PDE11A: variants seen among roughly 807,000 people sequenced by gnomAD.
PDE11A encodes phosphodiesterase 11A.
A neutral mutation model predicts 100.5 loss-of-function variants in PDE11A; 100 were observed. That is an observed-to-expected ratio of 1.00 (90% CI 0.85 to 1.18). The LOEUF is 1.18. Ranked by LOEUF, PDE11A falls within the 50% of genes most tolerant of loss-of-function variation. PDE11A has a pLI of 0.00. For synonymous variants in PDE11A, 381 were observed against 420.8 expected (o/e 0.91, Z 1.16); for missense variants, 1,141 against 1,152.6 (o/e 0.99, Z 0.15).
At chr2:177,716,017 T>C (rs2081432120) in intron 12 of PDE11A, among the ~76,000 whole-genome samples, 1 of 152,240 alleles carries the variant, frequency 6.6e-6, no homozygotes, top group Admixed American at 6.5e-5. Context: ...TCTCTGGACT[T>C]TCCAATCTGT....
At chr2:178,046,006 G>T (rs2086745616) in intron 1 of PDE11A, among the ~76,000 whole-genome samples, 1 of 152,136 alleles carries the variant, frequency 6.6e-6, no homozygotes, top group Admixed American at 6.6e-5. Flanking sequence ...GTTTGCATCT[G>T]GTCTCTGCCT....
chr2:177,682,734 T>TG (rs57733755), intron 15 of PDE11A, among the ~76,000 whole-genome samples: 17,850 of 152,214 alleles, frequency 0.12, 1,292 homozygotes, highest in Middle Eastern at 0.2. Context: ...AAGATGTTCC[T>TG]GCCAAGTAGG....
At chr2:177,727,559 T>C (rs549927614) in intron 12 of PDE11A, 99 bp downstream of exon 12, 2 of 806,842 alleles carry the variant, frequency 2.5e-6, no homozygotes, top group African/African-American at 3.3e-5. Flanking sequence ...CATAAAATGA[T>C]CACATGGTAA....
intron 9 of PDE11A, among the ~76,000 whole-genome samples, chr2:177,801,814 T>C (rs2082798908): frequency 6.6e-6 from 1 of 151,996 alleles, no homozygotes; most frequent in South Asian, 2.1e-4. Context: ...GTTTCTTAGA[T>C]CACTAATAGC....
chr2:177,958,131 T>C (rs1017226145), intron 2 of PDE11A, among the ~76,000 whole-genome samples: 9 of 152,100 alleles, frequency 5.9e-5, no homozygotes, highest in African/African-American at 2.2e-4. Flanking sequence ...CCTCAGGTGA[T>C]CCACCTGCCT....
At chr2:178,019,918 C>G (rs1439922212) in intron 1 of PDE11A, among the ~76,000 whole-genome samples, 1 of 152,166 alleles carries the variant, frequency 6.6e-6, no homozygotes, top group Non-Finnish European at 1.5e-5. Flanking sequence ...ATTTATTAAA[C>G]AAGGTGAAGT....
chr2:178,050,152 T>A (rs2086805125), intron 1 of PDE11A, among the ~76,000 whole-genome samples: 1 of 152,184 alleles, frequency 6.6e-6, no homozygotes, highest in African/African-American at 2.4e-5. Flanking sequence ...GAGATGAAGC[T>A]TCCGGAAGAA....
chr2:177,858,126 C>T lies in PDE11A; in HGVS notation c.1367+17733G>A, dbSNP rs541718240. 9.4e-4 allele frequency among the ~76,000 whole-genome samples: 143 copies of T among 152,066 alleles called. 1 individual carries two copies. Among genetic ancestry groups the T allele is most frequent in the African/African-American group, 3.2e-3 (134 of 41,530 alleles). ...ATGGATTAAAGACTTACATGTTAGA[C>T]CTAAAACCATAAAAACCCTAGAAGA... On this transcript the variant is annotated intron_variant, in intron 5 of 19. Transcript: ENST00000286063.
chr2:177,871,676 A>C (rs578223079), intron 5 of PDE11A, among the ~76,000 whole-genome samples: 10 of 151,940 alleles, frequency 6.6e-5, no homozygotes, highest in African/African-American at 2.4e-4. Context: ...TGGGCAACAC[A>C]GTGAGACTCC....
intron 5 of PDE11A, among the ~76,000 whole-genome samples, chr2:177,853,193 T>C (rs2083746288): frequency 6.6e-6 from 1 of 152,112 alleles, no homozygotes; most frequent in Non-Finnish European, 1.5e-5. Context: ...AGATTACAGA[T>C]AATTTTATTA....
intron 1 of PDE11A, among the ~76,000 whole-genome samples, chr2:178,061,344 AC>A (rs2086967077): frequency 6.6e-6 from 1 of 152,138 alleles, no homozygotes; most frequent in Non-Finnish European, 1.5e-5. Flanking sequence ...AAGGGATGCT[AC>A]TAAACAACCA....
intron 19 of PDE11A, among the ~76,000 whole-genome samples, chr2:177,661,714 G>C (rs989182000): frequency 2.0e-5 from 3 of 152,180 alleles, no homozygotes; most frequent in Admixed American, 6.5e-5. Flanking sequence ...AAAAGAGCAA[G>C]ATTTTCACCC....
At chr2:177,907,335 A>G (rs976019599) in intron 2 of PDE11A, among the ~76,000 whole-genome samples, 1 of 152,154 alleles carries the variant, frequency 6.6e-6, no homozygotes, top group Admixed American at 6.5e-5. Context: ...GCAATATTCT[A>G]TTTACTAGAG....
chr2:177,885,038 A>C (rs1193997052), intron 4 of PDE11A, among the ~76,000 whole-genome samples: 2 of 152,122 alleles, frequency 1.3e-5, no homozygotes, highest in Non-Finnish European at 2.9e-5. Context: ...CAGTGGGGTT[A>C]GGGGTTCAGT....
chr2:177,964,267 A>C (rs1292929327), intron 2 of PDE11A, among the ~76,000 whole-genome samples: 1 of 152,122 alleles, frequency 6.6e-6, no homozygotes, highest in African/African-American at 2.4e-5. Context: ...GTTATCTTCT[A>C]TCCACCAATC....
At position 178,042,807 on chromosome 2, in the gene PDE11A, T is replaced by G. The variant is rs112768842; in HGVS notation, c.913-28347A>C. The stretch of plus-strand genomic sequence containing the variant: ...AAATTATAACTATATTACACAGAAG[T>G]TAAAAACAAACAAACAAACAAAAAC... On this transcript the variant is annotated intron_variant, in intron 1 of 19. Coordinates refer to ENST00000286063, the MANE Select transcript of PDE11A (RefSeq NM_016953.4). Among the ~76,000 whole-genome samples, 629 of 132,058 alleles carry G rather than the reference T, an allele frequency of 4.8e-3. 8 individuals are homozygous for G. Among genetic ancestry groups the G allele is most frequent in the African/African-American group, 0.014 (587 of 41,012 alleles). The allele number at this position is 132,058 out of a possible 152,430, so 86.6% of individuals were successfully genotyped here. A position where few individuals can be genotyped will look rare whatever the true frequency, so the allele number is the denominator to read the frequency against.
intron 9 of PDE11A, among the ~76,000 whole-genome samples, chr2:177,795,633 G>A (rs1414908973): frequency 6.6e-6 from 1 of 152,032 alleles, no homozygotes; most frequent in Non-Finnish European, 1.5e-5. Context: ...ACTGGGCAGG[G>A]AATTGAAGAT....
At chr2:178,001,100 C>T (rs1449170696) in intron 2 of PDE11A, among the ~76,000 whole-genome samples, 5 of 152,148 alleles carry the variant, frequency 3.3e-5, no homozygotes, top group African/African-American at 1.2e-4. Context: ...ATAATATCAA[C>T]AGTGTTGTTG....
At chr2:177,769,251 A>C (rs1252746951) in intron 10 of PDE11A, 72 bp downstream of exon 10, 6 of 856,310 alleles carry the variant, frequency 7.0e-6, no homozygotes, top group East Asian at 2.4e-5. Flanking sequence ...CTCTAGAGGC[A>C]TGTGACAGAG....
Sources: allele counts gnomAD v4.1 joint callset (sites outside exome capture counted in the v4.1 genomes callset), GRCh38; gene constraint gnomAD v4.1.1; transcripts MANE v1.5; gene names NCBI Gene and HGNC (gene_info 2026-07-23, HGNC 2026-07-21).